FBXW10B: variants seen among roughly 807,000 people sequenced by gnomAD.
FBXW10B encodes F-box and WD repeat domain containing protein 10B.
chr17:15,600,709 T>C, the FBXW10B span, among the ~76,000 whole-genome samples: 3 of 152,030 alleles, frequency 2.0e-5, no homozygotes, highest in African/African-American at 7.2e-5. Context: ...TAGGCAAAGT[T>C]AGAAGAAAAG....
chr17:15,568,935 T>C, the FBXW10B span: 4 of 1,231,736 alleles, frequency 3.2e-6, no homozygotes, highest in Non-Finnish European at 3.0e-6. Context: ...GCGTGGGTTA[T>C]TACAGCACAT....
the FBXW10B span, among the ~76,000 whole-genome samples, chr17:15,611,179 T>C: frequency 0.013 from 1,994 of 152,120 alleles, 26 homozygotes; most frequent in Non-Finnish European, 0.019. Flanking sequence ...ACTGCCACCA[T>C]GCCTGGCTAA....
the FBXW10B span, among the ~76,000 whole-genome samples, chr17:15,592,295 GTT>G: frequency 0.37 from 39,384 of 107,604 alleles, 8,183 homozygotes; most frequent in Non-Finnish European, 0.5. Context: ...AATGGCCAGA[GTT>G]TTTTTTTTTT....
chr17:15,618,676 A>T, the FBXW10B span, among the ~76,000 whole-genome samples: 1 of 152,174 alleles, frequency 6.6e-6, no homozygotes, highest in Non-Finnish European at 1.5e-5. Flanking sequence ...TCCCTAAAGC[A>T]GGAACGACAC....
At chr17:15,586,915 G>C in the FBXW10B span, among the ~76,000 whole-genome samples, 1 of 151,504 alleles carries the variant, frequency 6.6e-6, no homozygotes, top group Non-Finnish European at 1.5e-5. Context: ...TTCTGAAATG[G>C]GAGGAAGGAA....
the FBXW10B span, among the ~76,000 whole-genome samples, chr17:15,605,664 T>A: frequency 1.3e-5 from 2 of 152,204 alleles, no homozygotes; most frequent in African/African-American, 4.8e-5. Context: ...GGCAATTTTT[T>A]AACAATTCTG....
chr17:15,607,642 C>T, the FBXW10B span: 5 of 1,613,724 alleles, frequency 3.1e-6, no homozygotes, highest in Admixed American at 3.3e-5. Context: ...GGACCTGCTG[C>T]GTTTCCTCGT....
chr17:15,579,324 C>G, the FBXW10B span, among the ~76,000 whole-genome samples: 1 of 152,080 alleles, frequency 6.6e-6, no homozygotes, highest in Non-Finnish European at 1.5e-5. Context: ...ATTTTCTTCA[C>G]AATTTCCTTA....
At chr17:15,609,860 T>C in the FBXW10B span, among the ~76,000 whole-genome samples, 120 of 137,490 alleles carry the variant, frequency 8.7e-4, no homozygotes, top group Non-Finnish European at 1.7e-3. Flanking sequence ...TTCTTTTTTT[T>C]TTTTTTTTTT....
At chr17:15,602,512 A>G in the FBXW10B span, among the ~76,000 whole-genome samples, 2 of 151,560 alleles carry the variant, frequency 1.3e-5, no homozygotes, top group Non-Finnish European at 2.9e-5. Flanking sequence ...ATTAGAAAAT[A>G]TCTCTGTGAC....
the FBXW10B span, among the ~76,000 whole-genome samples, chr17:15,605,888 A>G: frequency 1.4e-5 from 2 of 146,478 alleles, no homozygotes; most frequent in Non-Finnish European, 3.0e-5. Context: ...ATATCACAGG[A>G]AATATAAATA....
At chr17:15,610,534 G>A in the FBXW10B span, among the ~76,000 whole-genome samples, 1 of 152,218 alleles carries the variant, frequency 6.6e-6, no homozygotes, top group African/African-American at 2.4e-5. Context: ...GTATGAGGGT[G>A]AAGTTTGGTA....
At chr17:15,615,576 G>A in the FBXW10B span, 1 of 1,597,306 alleles carries the variant, frequency 6.3e-7, no homozygotes, top group Non-Finnish European at 8.6e-7. Context: ...GCCTCCCAAA[G>A]TGCTGGGATT....
At chr17:15,614,406 G>C in the FBXW10B span, among the ~76,000 whole-genome samples, 255 of 151,864 alleles carry the variant, frequency 1.7e-3, 1 homozygote, top group Non-Finnish European at 2.2e-3. Context: ...GTGTTAGCCA[G>C]GATGGTCTCG....
chr17:15,608,780 C>A, the FBXW10B span, among the ~76,000 whole-genome samples: 60 of 152,316 alleles, frequency 3.9e-4, 1 homozygote, highest in East Asian at 0.01. Context: ...AGTTTTCATA[C>A]ATCTGCAACT....
the FBXW10B span, chr17:15,607,705 T>C: frequency 6.2e-7 from 1 of 1,604,592 alleles, no homozygotes; most frequent in South Asian, 1.1e-5. Context: ...ATATTTGAAG[T>C]TAAAGCTCAG....
chr17:15,598,864 T>G, the FBXW10B span: 2 of 935,314 alleles, frequency 2.1e-6, no homozygotes, highest in Non-Finnish European at 3.1e-6. Context: ...CTTTCCTCAT[T>G]GATAAAATGG....
the FBXW10B span, among the ~76,000 whole-genome samples, chr17:15,594,183 G>A: frequency 1.3e-5 from 2 of 151,932 alleles, no homozygotes; most frequent in African/African-American, 4.8e-5. Context: ...TTTTAAAATA[G>A]TATTATTGGC....
At chr17:15,609,832 T>TTCTC in the FBXW10B span, among the ~76,000 whole-genome samples, 6 of 149,460 alleles carry the variant, frequency 4.0e-5, no homozygotes, top group Non-Finnish European at 7.4e-5. Context: ...TCTCTCCCTT[T>TTCTC]TCTCTCTCTT....
Sources: allele counts gnomAD v4.1 joint callset (sites outside exome capture counted in the v4.1 genomes callset), GRCh38; gene constraint gnomAD v4.1.1; transcripts MANE v1.5; gene names NCBI Gene and HGNC (gene_info 2026-07-23, HGNC 2026-07-21).